DCAF4: variants seen among roughly 807,000 people sequenced by gnomAD.
The protein encoded by DCAF4 is DDB1- and CUL4-associated factor 4.
Under a neutral mutation model 60.9 loss-of-function variants are expected in DCAF4, and 37 were observed. The ratio of observed to expected loss-of-function variants is 0.61; its 90% CI spans 0.47 to 0.80. DCAF4 has a LOEUF of 0.80. DCAF4 is among the 30% of genes least tolerant of loss of function. DCAF4 has a pLI of 0.00. For synonymous variants in DCAF4, 243 were observed against 254.8 expected (o/e 0.95, Z 0.44); for missense variants, 577 against 650.0 (o/e 0.89, Z 1.22).
intron 9 of DCAF4, among the ~76,000 whole-genome samples, chr14:72,952,992 CTTTTTTTTTTTTTT>C (rs34917327): frequency 7.2e-5 from 3 of 41,594 alleles, no homozygotes; most frequent in East Asian, 1.0e-3. Context: ...AATGCCCGGC[CTTTTTTTTTTTTTT>C]TTTTTTTTTT....
intron 1 of DCAF4, among the ~76,000 whole-genome samples, chr14:72,932,556 G>A (rs1203282055): frequency 6.6e-6 from 1 of 152,158 alleles, no homozygotes; most frequent in Non-Finnish European, 1.5e-5. Context: ...AATGCCTTGA[G>A]GTACTTAAAA....
At chr14:72,931,186 T>C (rs745611810) in intron 1 of DCAF4, among the ~76,000 whole-genome samples, 3 of 152,186 alleles carry the variant, frequency 2.0e-5, no homozygotes, top group Non-Finnish European at 4.4e-5. Context: ...CTGTAATTTC[T>C]TTCAACAGTG....
chr14:72,942,930 ACCCCC>A, intron 5 of DCAF4, 59 bp from the exon 6 acceptor site: 1 of 1,495,976 alleles, frequency 6.7e-7, no homozygotes, highest in East Asian at 2.3e-5. Flanking sequence ...AAGGCCAGAG[ACCCCC>A]GAATCTTCTT....
chr14:72,927,566 T>G (rs1052677302), intron 1 of DCAF4, among the ~76,000 whole-genome samples: 6 of 151,922 alleles, frequency 3.9e-5, no homozygotes, highest in African/African-American at 1.2e-4. Context: ...TTAGCCAGGA[T>G]GGTCTCGATC....
At chr14:72,954,007 C>CCAGCTGAG (rs1891934245) in intron 9 of DCAF4, among the ~76,000 whole-genome samples, 157 bp from the exon 10 acceptor site, 1 of 151,854 alleles carries the variant, frequency 6.6e-6, no homozygotes, top group African/African-American at 2.4e-5. Flanking sequence ...GCCAGGCATC[C>CCAGCTGAG]CAGCTGAGTC....
downstream of DCAF4, chr14:72,960,563 C>T: frequency 2.9e-6 from 3 of 1,033,816 alleles, no homozygotes; most frequent in Non-Finnish European, 3.5e-6. Flanking sequence ...AGCATTGTGG[C>T]TGACAGTCTT....
rs1048549697 is a variant in DCAF4 at position 72,928,279 on chromosome 14, C to T, written c.-9+1736C>T. Among the ~76,000 whole-genome samples the T allele has an allele frequency of 5.4e-5, 8 of 147,164 alleles. No homozygotes were observed. The East Asian group carries it at 8.2e-4, about 15-fold the overall frequency. On this transcript the variant is annotated intron_variant, in intron 1 of 13. Coordinates refer to ENST00000358377, the MANE Select transcript of DCAF4 (RefSeq NM_015604.4). ...CGCGATCTCGGCTCACCGCAACCTC[C>T]GCCTCCCAGGTTTAAGGGATTCTCC...
rs765765812 is a variant in DCAF4, at chr14:72,955,663, G to A, written c.1146G>A (p.Glu382=). 30 of 1,613,988 alleles carry A rather than the reference G, an allele frequency of 1.9e-5. No homozygotes were observed. The highest frequency in any genetic ancestry group is 2.5e-5 in the Non-Finnish European group (29 of 1,180,008). The part of the protein sequence containing the change: ...AVTSVRILQD[E]QYLMASDMAG... ...CCTCTGTGCGGATCCTCCAAGATGA[G>A]CAATACCTGATGGCTTCAGACATGG... Residue 382 remains glutamate, a synonymous_variant, in exon 12 of 14, where the codon GAG becomes GAA. Coordinates refer to ENST00000358377, the MANE Select transcript of DCAF4 (RefSeq NM_015604.4).
At chr14:72,949,009 C>T (rs755366587) in intron 8 of DCAF4, among the ~76,000 whole-genome samples, 1 of 152,208 alleles carries the variant, frequency 6.6e-6, no homozygotes, top group Non-Finnish European at 1.5e-5. Context: ...ACTTCCTTGC[C>T]TTCCAAACCC....
In DCAF4 at chr14:72,938,260, G is replaced by A. The variant is rs190656525; in HGVS notation, c.92+190G>A. On this transcript the variant is annotated intron_variant, in intron 2 of 13. Coordinates refer to ENST00000358377, the MANE Select transcript of DCAF4 (RefSeq NM_015604.4). ...CGTGCTCCCAGGGCATGTCGCTTTG[G>A]TGGGTCAGCCCACCTCACTGAGTAG... Among the ~76,000 whole-genome samples, 559 of 152,232 alleles carry A rather than the reference G, an allele frequency of 3.7e-3. 7 individuals carry two copies. Among genetic ancestry groups the A allele is most frequent in the African/African-American group, 0.013 (531 of 41,530 alleles).
chr14:72,956,271 T>A, intron 12 of DCAF4, 115 bp from the exon 13 acceptor site: 4 of 691,534 alleles, frequency 5.8e-6, no homozygotes. Flanking sequence ...GAGATGGAGA[T>A]CTTCATGACC....
At chr14:72,947,219 G>T (rs1023208364) in intron 8 of DCAF4, 28 bp downstream of exon 8, 4 of 1,613,578 alleles carry the variant, frequency 2.5e-6, no homozygotes, top group Non-Finnish European at 3.4e-6. Flanking sequence ...AAGAGGTTTG[G>T]TGGGCAGGCC....
At chr14:72,942,963 G>A (rs1890242054) in intron 5 of DCAF4, 31 bp from the exon 6 acceptor site, 1 of 1,602,832 alleles carries the variant, frequency 6.2e-7, no homozygotes, top group Non-Finnish European at 8.5e-7. Context: ...GTCAGCTTCA[G>A]CATCCATGCC....
At chr14:72,928,140 G>A (rs1427272182) in intron 1 of DCAF4, among the ~76,000 whole-genome samples, 7 of 137,962 alleles carry the variant, frequency 5.1e-5, no homozygotes, top group Admixed American at 3.1e-4. Flanking sequence ...GACCAGTGGC[G>A]TTAGCGTTTT....
intron 1 of DCAF4, among the ~76,000 whole-genome samples, chr14:72,928,588 TATATATATATATATATA>T (rs1888026068): frequency 1.4e-5 from 2 of 146,696 alleles, no homozygotes; most frequent in South Asian, 2.1e-4. Context: ...ACATCCTTTA[TATATATATATATATATA>T]TATATATATA....
intron 6 of DCAF4, 132 bp from the exon 7 acceptor site, chr14:72,945,752 G>A (rs191493811): frequency 3.1e-4 from 376 of 1,228,958 alleles, no homozygotes; most frequent in Admixed American, 1.2e-3. Flanking sequence ...CTCCACTCTC[G>A]CTCATGGAGA....
At chr14:72,928,172 T>C (rs1887895993) in intron 1 of DCAF4, among the ~76,000 whole-genome samples, 1 of 113,890 alleles carries the variant, frequency 8.8e-6, no homozygotes, top group Non-Finnish European at 1.8e-5. Context: ...CCCGCTAGTC[T>C]ACAGAATCCC....
intron 1 of DCAF4, among the ~76,000 whole-genome samples, chr14:72,927,716 A>C (rs1186677698): frequency 6.6e-6 from 1 of 152,038 alleles, no homozygotes; most frequent in Non-Finnish European, 1.5e-5. Context: ...TCCCTGTTCC[A>C]CCATTTAACT....
chr14:72,952,691 C>CTTTT (rs1215172512), intron 9 of DCAF4, among the ~76,000 whole-genome samples: 10 of 105,168 alleles, frequency 9.5e-5, no homozygotes, highest in Admixed American at 1.1e-4. Flanking sequence ...CTTGTCTTGT[C>CTTTT]TTTTTTTTTT....
Sources: gnomAD v4.1 joint callset for allele counts (sites outside exome capture counted in the v4.1 genomes callset) on GRCh38, gnomAD v4.1.1 for gene constraint, MANE v1.5 for transcripts, NCBI Gene and HGNC (gene_info 2026-07-23, HGNC 2026-07-21) for gene names.